NRDC: variants seen among roughly 807,000 people sequenced by gnomAD.
NRDC encodes nardilysin convertase, also known as nardilysin.
In NRDC, 54 loss-of-function variants were observed where a neutral mutation model predicts 147.1. The observed-to-expected ratio is 0.37, with a 90% confidence interval of 0.29 to 0.46. The LOEUF is 0.46. NRDC is among the 20% of genes least tolerant of loss of function. The pLI is 1.00. For synonymous variants in NRDC, 440 were observed against 482.1 expected (o/e 0.91, Z 1.14); for missense variants, 1,082 against 1,370.6 (o/e 0.79, Z 3.33).
At chr1:51,844,878 GAA>G (rs1681475063) in intron 1 of NRDC, among the ~76,000 whole-genome samples, 1 of 133,660 alleles carries the variant, frequency 7.5e-6, no homozygotes, top group Non-Finnish European at 1.6e-5. Context: ...AGGAAGGAAG[GAA>G]GGAAGGAAAC....
chr1:51,860,566 G>A (rs1470665609), intron 1 of NRDC, among the ~76,000 whole-genome samples: 3 of 152,138 alleles, frequency 2.0e-5, no homozygotes, highest in African/African-American at 2.4e-5. Context: ...CTTGGTCACC[G>A]GGAGAGTTTA....
intron 30 of NRDC, 46 bp downstream of exon 30, chr1:51,789,511 AAACTCACTCAG>A: frequency 6.3e-7 from 1 of 1,585,082 alleles, no homozygotes; most frequent in Non-Finnish European, 8.7e-7. Context: ...ATAACCACCC[AAACTCACTCAG>A]TAAATGACAA....
intron 22 of NRDC, chr1:51,795,407 G>A (rs562160125): frequency 5.4e-4 from 135 of 250,580 alleles, no homozygotes; most frequent in South Asian, 1.5e-3. Flanking sequence ...AACGGTGCTC[G>A]GAAAAACAGG....
chr1:51,802,847 T>C (rs1392045389), intron 20 of NRDC, among the ~76,000 whole-genome samples: 1 of 152,192 alleles, frequency 6.6e-6, no homozygotes, highest in East Asian at 1.9e-4. Context: ...TCCCTAAATC[T>C]TAATATAATA....
At chr1:51,862,244 G>A (rs2124082742) in intron 1 of NRDC, 1 of 151,394 alleles carries the variant, frequency 6.6e-6, no homozygotes, top group African/African-American at 2.4e-5. Context: ...CGTATATAGG[G>A]CTTTCCCCCC....
At chr1:51,866,401 T>C (rs1162604777) in intron 1 of NRDC, among the ~76,000 whole-genome samples, 1 of 152,178 alleles carries the variant, frequency 6.6e-6, no homozygotes, top group Non-Finnish European at 1.5e-5. Context: ...ATTTCACTTA[T>C]AGGTATCATT....
chr1:51,854,748 A>AC (rs1389362774), intron 1 of NRDC, among the ~76,000 whole-genome samples: 3 of 152,338 alleles, frequency 2.0e-5, no homozygotes, highest in African/African-American at 4.8e-5. Context: ...ACATAGCGAG[A>AC]CCCCATCTCT....
At position 51,878,586 on chromosome 1, in the gene NRDC, G is replaced by C. The variant is rs1222792385; in HGVS notation, c.30C>G (p.Val10=). Residue 10 remains valine (V), a synonymous_variant, in exon 1 of 31, where the codon GTC becomes GTG. Transcript: ENST00000352171. ...CACACAACTTCCTCCGGGTGGCACA[G>C]ACTGCAGCAACAGTGACTCTCCTCA... The part of the protein sequence containing the change: MLRRVTVAA[V]CATRRKLCEA... 1 of 1,612,880 alleles carries C rather than the reference G, an allele frequency of 6.2e-7. No individual in the cohort carries two copies. Among genetic ancestry groups the C allele is most frequent in the Non-Finnish European group, 8.5e-7 (1 of 1,179,586 alleles).
chr1:51,815,235 T>A (rs1189960245), intron 11 of NRDC, among the ~76,000 whole-genome samples: 1 of 150,398 alleles, frequency 6.6e-6, no homozygotes, highest in Admixed American at 6.6e-5. Flanking sequence ...TGTTGCCCAG[T>A]CTGGTCTCGA....
chr1:51,798,382 G>T lies in NRDC; in HGVS notation c.2471C>A (p.Ala824Asp). ...KDVRLLILEY[A>D]RWSMIDKYQA... ...GTACTTGTCAATCATAGACCAACGG[G>T]CATATTCCAAGATTAAAAGCCGTAC... The change falls in exon 22 of 31, where the codon GCC (alanine) becomes GAC (aspartate). Residue 824 changes from alanine to aspartate, a missense_variant. Coordinates refer to ENST00000352171, the MANE Select transcript of NRDC (RefSeq NM_001101662.2). The T allele has an allele frequency of 6.2e-7, 1 of 1,613,854 alleles. No homozygotes were observed. Among genetic ancestry groups the T allele is most frequent in the Middle Eastern group, 1.6e-4 (1 of 6,062 alleles).
intron 20 of NRDC, among the ~76,000 whole-genome samples, chr1:51,801,487 G>A (rs1249581816): frequency 6.8e-6 from 1 of 146,538 alleles, no homozygotes; most frequent in Admixed American, 6.6e-5. Flanking sequence ...CTGGTACTAT[G>A]GGGGAGAAAA....
intron 1 of NRDC, among the ~76,000 whole-genome samples, chr1:51,844,720 G>A (rs1224059507): frequency 6.8e-6 from 1 of 146,664 alleles, no homozygotes; most frequent in Non-Finnish European, 1.5e-5. Flanking sequence ...CTCCAGCCTG[G>A]GCGACAGAGC....
chr1:51,837,163 G>T (rs184266037), intron 2 of NRDC, among the ~76,000 whole-genome samples: 1 of 152,066 alleles, frequency 6.6e-6, no homozygotes, highest in African/African-American at 2.4e-5. Flanking sequence ...ATAGAAAGGC[G>T]AATTATTAAC....
In NRDC at chr1:51,792,451, C is replaced by T. The variant is rs780471527; in HGVS notation, c.2776-27G>A. ...TGAAAAGAGAAGGTTGTCAGGCCAACTGAATATCCAGTGGTTTACAGGGCT... is the reference window on the plus strand; with the variant it reads ...TGAAAAGAGAAGGTTGTCAGGCCAATTGAATATCCAGTGGTTTACAGGGCT... On this transcript the variant is annotated intron_variant, in intron 24 of 30. Transcript: ENST00000352171. The T allele has an allele frequency of 1.2e-5, 19 of 1,611,696 alleles. No homozygotes were observed. In the Admixed American group the frequency reaches 3.2e-4, roughly 27 times the overall value.
chr1:51,840,897 G>A lies in NRDC; in HGVS notation c.342-383C>T, dbSNP rs183501129. 2.5e-3 allele frequency among the ~76,000 whole-genome samples: 382 copies of A among 152,190 alleles called. 2 individuals carry two copies. Among genetic ancestry groups the A allele is most frequent in the Non-Finnish European group, 4.6e-3 (312 of 68,006 alleles). Reference sequence around the variant, plus strand: ...ACATTCTATCATACCAGAAGACTTAGGCTAAGATAAATTGTATCCCTCAAT... The same window carrying A: ...ACATTCTATCATACCAGAAGACTTAAGCTAAGATAAATTGTATCCCTCAAT... On this transcript the variant is annotated intron_variant, in intron 1 of 30. Coordinates refer to ENST00000352171, the MANE Select transcript of NRDC (RefSeq NM_001101662.2).
rs184570017 is a variant in NRDC, at chr1:51,853,214, T to C, written c.342-12700A>G. ...GCCTGGGTGACAGAGGGAGACTGTC[T>C]CCAAAAAAAAATATATATATATATA... On this transcript the variant is annotated intron_variant, in intron 1 of 30. Transcript: ENST00000352171. 9.5e-3 allele frequency among the ~76,000 whole-genome samples: 1,421 copies of C among 149,488 alleles called. 25 individuals are homozygous for C. Among genetic ancestry groups the C allele is most frequent in the African/African-American group, 0.033 (1,354 of 40,670 alleles).
intron 7 of NRDC, among the ~76,000 whole-genome samples, chr1:51,822,157 G>A (rs1302905309): frequency 6.6e-6 from 1 of 151,924 alleles, no homozygotes; most frequent in African/African-American, 2.4e-5. Flanking sequence ...AACGAAAAAG[G>A]AAACTTTTTG....
Position 51,878,699 on chromosome 1 carries a change from G to T in NRDC, c.-84C>A, listed in dbSNP as rs532521774. 2 of 1,260,638 alleles carry T rather than the reference G, an allele frequency of 1.6e-6. No individual in the cohort carries two copies. The highest frequency in any genetic ancestry group is 4.2e-5 in the Admixed American group (2 of 47,384). The allele number at this position is 1,260,638 out of a possible 1,614,324, so 78.1% of individuals were successfully genotyped here. A position where few individuals can be genotyped will look rare whatever the true frequency, so the allele number is the denominator to read the frequency against. ...CTAGAGGCGGTGGCGGCCGGCCCTG[G>T]TGCTGCCGCAGCCGCGGGGAACAGG... On this transcript the variant is annotated 5_prime_UTR_variant, in exon 1 of 31. Coordinates refer to ENST00000352171, the MANE Select transcript of NRDC (RefSeq NM_001101662.2).
chr1:51,789,210 T>G lies in NRDC; in HGVS notation c.*26A>C. On this transcript the variant is annotated 3_prime_UTR_variant, in exon 31 of 31. Transcript: ENST00000352171. ...AAACACATTTTAAAATACACATTGC[T>G]TCAGGCCAACGTGACTGCAGTTTAT... The G allele has an allele frequency of 1.3e-6, 2 of 1,598,222 alleles. No homozygotes were observed. The highest frequency in any genetic ancestry group is 1.7e-6 in the Non-Finnish European group (2 of 1,165,794).
Sources: gnomAD v4.1 joint callset for allele counts (sites outside exome capture counted in the v4.1 genomes callset) on GRCh38, gnomAD v4.1.1 for gene constraint, MANE v1.5 for transcripts, NCBI Gene and HGNC (gene_info 2026-07-23, HGNC 2026-07-21) for gene names.